The following SLMAP variants were observed in gnomAD, a reference collection of about 807,000 sequenced individuals.
SLMAP encodes the protein sarcolemma associated protein, also known as sarcolemmal membrane-associated protein.
SLMAP carries 44 observed loss-of-function variants against 128.8 expected under a neutral mutation model. The ratio of observed to expected loss-of-function variants is 0.34; its 90% CI spans 0.27 to 0.44. The LOEUF (loss-of-function observed/expected upper bound fraction) is 0.44. SLMAP is among the 20% of genes least tolerant of loss of function. The pLI is 1.00. For synonymous variants in SLMAP, 327 were observed against 348.8 expected (o/e 0.94, Z 0.70); for missense variants, 787 against 985.3 (o/e 0.80, Z 2.69).
chr3:57,883,530 G>A (rs777706582), intron 14 of SLMAP, among the ~76,000 whole-genome samples: 9 of 152,192 alleles, frequency 5.9e-5, no homozygotes, highest in Non-Finnish European at 1.2e-4. Flanking sequence ...GTAGGAGTGA[G>A]TGATATCCTA....
chr3:57,789,028 T>G, intron 2 of SLMAP, among the ~76,000 whole-genome samples: 1 of 152,214 alleles, frequency 6.6e-6, no homozygotes, highest in Non-Finnish European at 1.5e-5. Context: ...CTGTGGTGAT[T>G]CTGCCCTTGT....
At position 57,862,074 on chromosome 3, in the gene SLMAP, T is replaced by A; in HGVS notation, c.954T>A (p.Ser318=). The change falls in exon 10 of 25, where the codon TCT becomes TCA. Residue 318 remains serine, a synonymous_variant. Coordinates refer to ENST00000671191, the MANE Select transcript of SLMAP (RefSeq NM_001377540.1). ...NGAVNEIKDL[S]DKLKVAEGKQ... is the part of the protein sequence containing the mutation. ...CAGTTAATGAGATTAAAGATTTATC[T>A]GATAAATTAAAGGTATGTATTTACT... is the stretch of plus-strand genomic sequence containing the variant. The A allele has an allele frequency of 3.8e-6, 6 of 1,580,776 alleles. No individual in the cohort carries two copies. Among genetic ancestry groups the A allele is most frequent in the Non-Finnish European group, 4.3e-6 (5 of 1,150,570 alleles).
At chr3:57,804,960 A>G (rs188572937) in intron 2 of SLMAP, among the ~76,000 whole-genome samples, 5 of 152,240 alleles carry the variant, frequency 3.3e-5, no homozygotes, top group Admixed American at 2.0e-4. Context: ...CTAATTTTCA[A>G]AAAGTTAATA....
intron 21 of SLMAP, among the ~76,000 whole-genome samples, chr3:57,913,682 C>T (rs1471409862): frequency 1.3e-5 from 2 of 152,094 alleles, no homozygotes; most frequent in African/African-American, 2.4e-5. Context: ...TAAGGCTGGG[C>T]GTGGTGGTTC....
chr3:57,845,592 A>T (rs2094201127), intron 4 of SLMAP, among the ~76,000 whole-genome samples: 1 of 152,082 alleles, frequency 6.6e-6, no homozygotes, highest in African/African-American at 2.4e-5. Flanking sequence ...TAGGATGTGG[A>T]GTGATTAGCA....
At chr3:57,773,729 G>A (rs2081311897) in intron 2 of SLMAP, among the ~76,000 whole-genome samples, 1 of 152,114 alleles carries the variant, frequency 6.6e-6, no homozygotes, top group African/African-American at 2.4e-5. Context: ...GATAAAGATT[G>A]GTTTCATAAG....
chr3:57,777,913 T>C (rs565160924), intron 2 of SLMAP, among the ~76,000 whole-genome samples: 4 of 152,370 alleles, frequency 2.6e-5, no homozygotes, highest in Admixed American at 6.5e-5. Flanking sequence ...GTTGTTGATA[T>C]GGTGAATTTC....
intron 2 of SLMAP, among the ~76,000 whole-genome samples, chr3:57,801,837 C>G (rs992844176): frequency 6.6e-6 from 1 of 151,790 alleles, no homozygotes; most frequent in South Asian, 2.1e-4. Context: ...ACAGGTTGTG[C>G]CAATTTGCAT....
At chr3:57,850,972 T>C (rs968166673) in intron 6 of SLMAP, among the ~76,000 whole-genome samples, 12 of 152,172 alleles carry the variant, frequency 7.9e-5, no homozygotes, top group African/African-American at 2.9e-4. Context: ...CTGGGAGAGA[T>C]TTTGATTGCT....
rs568338999 is a variant in SLMAP at position 57,903,668 on chromosome 3, G to A, written c.1502-4216G>A. On this transcript the variant is annotated intron_variant, in intron 17 of 24. Coordinates refer to ENST00000671191, the MANE Select transcript of SLMAP (RefSeq NM_001377540.1). ...AATTTACAGGATTTAGCCTTAGTCCGAGAAAAACTGGCCCCTGGCCCAGAC... is the reference window on the plus strand; with the variant it reads ...AATTTACAGGATTTAGCCTTAGTCCAAGAAAAACTGGCCCCTGGCCCAGAC... 1.2e-4 allele frequency among the ~76,000 whole-genome samples: 18 copies of A among 152,290 alleles called. 2 individuals are homozygous for A. In the South Asian group the frequency reaches 3.3e-3, roughly 28 times the overall value.
chr3:57,758,198 C>T (rs1461404646), intron 2 of SLMAP, among the ~76,000 whole-genome samples: 1 of 152,206 alleles, frequency 6.6e-6, no homozygotes, highest in African/African-American at 2.4e-5. Context: ...AAGCAAGCAG[C>T]AGTTCTCGAA....
intron 3 of SLMAP, among the ~76,000 whole-genome samples, chr3:57,833,963 A>T (rs2093490160): frequency 6.6e-6 from 1 of 152,162 alleles, no homozygotes; most frequent in South Asian, 2.1e-4. Flanking sequence ...CCTATGCTAA[A>T]CAGTGCTGTG....
intron 2 of SLMAP, among the ~76,000 whole-genome samples, chr3:57,817,930 T>C (rs1223973606): frequency 1.3e-5 from 2 of 152,222 alleles, no homozygotes; most frequent in Admixed American, 6.5e-5. Flanking sequence ...ATTGTGACTA[T>C]AGATAGGTCA....
At chr3:57,789,437 G>C (rs535939283) in intron 2 of SLMAP, among the ~76,000 whole-genome samples, 31 of 152,208 alleles carry the variant, frequency 2.0e-4, no homozygotes, top group African/African-American at 7.5e-4. Flanking sequence ...CAGGATTCTT[G>C]GTGGAGTCAG....
chr3:57,797,092 G>GTTCT (rs1178294673), intron 2 of SLMAP, among the ~76,000 whole-genome samples: 3 of 151,030 alleles, frequency 2.0e-5, no homozygotes, highest in Non-Finnish European at 2.9e-5. Flanking sequence ...TGAAGCAGAA[G>GTTCT]GATCACTTGA....
At chr3:57,854,571 C>A (rs2094680112) in intron 6 of SLMAP, among the ~76,000 whole-genome samples, 1 of 152,166 alleles carries the variant, frequency 6.6e-6, no homozygotes, top group Non-Finnish European at 1.5e-5. Flanking sequence ...GTACTCCAAC[C>A]TGGGCTGCAG....
chr3:57,766,373 GGT>G (rs1298789732), intron 2 of SLMAP, among the ~76,000 whole-genome samples: 3 of 151,680 alleles, frequency 2.0e-5, no homozygotes, highest in African/African-American at 7.3e-5. Context: ...TATTCTTTTT[GGT>G]AAGTAGGGAA....
At chr3:57,878,153 A>C (rs1163388509) in intron 14 of SLMAP, among the ~76,000 whole-genome samples, 1 of 151,982 alleles carries the variant, frequency 6.6e-6, no homozygotes, top group Non-Finnish European at 1.5e-5. Context: ...TCCTTCTTAA[A>C]TTTTAGGACA....
chr3:57,906,684 T>A (rs200794379), intron 17 of SLMAP, among the ~76,000 whole-genome samples: 15,261 of 108,474 alleles, frequency 0.14, 1,063 homozygotes, highest in African/African-American at 0.19. Context: ...AATATATATA[T>A]ATATATATAT....
Sources: gnomAD v4.1 joint callset for allele counts (sites outside exome capture counted in the v4.1 genomes callset) on GRCh38, gnomAD v4.1.1 for gene constraint, MANE v1.5 for transcripts, NCBI Gene and HGNC (gene_info 2026-07-23, HGNC 2026-07-21) for gene names.